NFASC: variants seen among roughly 807,000 people sequenced by gnomAD.
NFASC encodes the protein neurofascin.
In NFASC, 43 loss-of-function variants were observed where a neutral mutation model predicts 147.5. The ratio of observed to expected loss-of-function variants is 0.29; its 90% CI spans 0.23 to 0.38. The LOEUF is 0.38. NFASC is among the 10% of genes least tolerant of loss of function. The probability of loss-of-function intolerance (pLI) is 1.00; values close to 1 mark genes in which losing one functional copy is unlikely to be tolerated. For missense variants in NFASC, 1,320 were observed against 1,689.0 expected, an observed-to-expected ratio of 0.78 and a Z score of 3.83; for synonymous variants, 622 against 665.5, an observed-to-expected ratio of 0.93 and a Z score of 1.01.
At chr1:204,868,677 AG>A (rs1372250936) in intron 1 of NFASC, among the ~76,000 whole-genome samples, 1 of 152,202 alleles carries the variant, frequency 6.6e-6, no homozygotes, top group Admixed American at 6.5e-5. Flanking sequence ...GAAAAGCCGC[AG>A]GAACTGCAAA....
Position 204,849,394 on chromosome 1 carries a change from G to A in NFASC, c.-200+20612G>A, listed in dbSNP as rs372174213. On this transcript the variant is annotated intron_variant, in intron 1 of 29. Coordinates refer to ENST00000339876, the MANE Select transcript of NFASC (RefSeq NM_001005388.3). ...GACGTTAAAAACAGTCTCTTCTGTG[G>A]TTCTCATGCTTTAGCCTGCATCTGA... Among the ~76,000 whole-genome samples, 3 of 152,282 alleles carry A rather than the reference G, an allele frequency of 2.0e-5. No homozygotes were observed. In the East Asian group the frequency reaches 5.8e-4, roughly 29 times the overall value.
At chr1:204,859,316 G>C (rs988195154) in intron 1 of NFASC, among the ~76,000 whole-genome samples, 1 of 152,200 alleles carries the variant, frequency 6.6e-6, no homozygotes, top group Non-Finnish European at 1.5e-5. Context: ...AGGCAGCCGG[G>C]CAGGGTCTTC....
intron 8 of NFASC, among the ~76,000 whole-genome samples, chr1:204,963,448 G>T (rs528931958): frequency 3.9e-5 from 6 of 152,320 alleles, no homozygotes; most frequent in African/African-American, 1.4e-4. Context: ...GAGACCATCT[G>T]GTCTAAGTTC....
chr1:204,977,713 G>T lies in NFASC; in HGVS notation c.1864G>T (p.Ala622Ser). 3.1e-6 allele frequency: 5 copies of T among 1,609,834 alleles called. No homozygotes were observed. The highest frequency in any genetic ancestry group is 4.2e-6 in the Non-Finnish European group (5 of 1,176,670). The stretch of plus-strand genomic sequence containing the variant: ...GGCCACTCCAACTAACCGTTTGGCT[G>T]CCCTGCCCAAAGGTAATTCCCACTA... ...DQATPTNRLAALPKGRPDRPR... is the reference protein window; with the variant it reads ...DQATPTNRLASLPKGRPDRPR... The change falls in exon 17 of 30, where the codon GCC becomes TCC. Residue 622 changes from alanine (A) to serine (S), a missense_variant. Coordinates refer to ENST00000339876, the MANE Select transcript of NFASC (RefSeq NM_001005388.3).
At chr1:204,872,232 A>T (rs1432530523) in intron 1 of NFASC, among the ~76,000 whole-genome samples, 1 of 152,166 alleles carries the variant, frequency 6.6e-6, no homozygotes. Context: ...AACCCTATGC[A>T]CAAAGCAAAC....
At chr1:205,007,236 T>TAA (rs556899822) in intron 27 of NFASC, among the ~76,000 whole-genome samples, 3 of 150,990 alleles carry the variant, frequency 2.0e-5, no homozygotes, top group South Asian at 2.1e-4. Flanking sequence ...TTACTAAAAT[T>TAA]AAAAAAACAA....
At chr1:204,886,727 T>A (rs1189487324) in intron 1 of NFASC, among the ~76,000 whole-genome samples, 1 of 152,214 alleles carries the variant, frequency 6.6e-6, no homozygotes. Context: ...CGCAACTCCC[T>A]TGCCTAGTGT....
At chr1:204,920,427 C>CTTTTTTTTTTTTT (rs11381518) in intron 1 of NFASC, among the ~76,000 whole-genome samples, 4 of 119,600 alleles carry the variant, frequency 3.3e-5, no homozygotes, top group African/African-American at 6.3e-5. Context: ...AGGATCTGTC[C>CTTTTTTTTTTTTT]TTTTTTTTTT....
At chr1:204,845,012 T>C (rs1676533326) in intron 1 of NFASC, among the ~76,000 whole-genome samples, 1 of 152,156 alleles carries the variant, frequency 6.6e-6, no homozygotes, top group Non-Finnish European at 1.5e-5. Flanking sequence ...GGCCCACTGT[T>C]TTACTGGGGC....
chr1:204,958,711 G>T (rs1362384978), intron 8 of NFASC, among the ~76,000 whole-genome samples: 1 of 152,200 alleles, frequency 6.6e-6, no homozygotes, highest in African/African-American at 2.4e-5. Context: ...TGTTTCTGAT[G>T]CTCTGGACAG....
chr1:204,961,547 T>C (rs1573786232), intron 8 of NFASC, among the ~76,000 whole-genome samples: 1 of 152,278 alleles, frequency 6.6e-6, no homozygotes, highest in Non-Finnish European at 1.5e-5. Context: ...TGACACATGT[T>C]GCTGGGTGTG....
rs2096363788 is a variant in NFASC, at chr1:205,016,527, C to T, written c.3711C>T (p.Tyr1237=). 1 of 1,613,172 alleles carries T rather than the reference C, an allele frequency of 6.2e-7. No homozygotes were observed. Among genetic ancestry groups the T allele is most frequent in the South Asian group, 1.1e-5 (1 of 91,052 alleles). ...SEATSPVNAI[Y]SLA Reference sequence around the variant, plus strand: ...CCACGTCACCTGTCAATGCTATCTACTCTCTGGCCTAACGGAGCCCACCCA... The same window carrying T: ...CCACGTCACCTGTCAATGCTATCTATTCTCTGGCCTAACGGAGCCCACCCA... Residue 1237 remains tyrosine, a synonymous_variant, in exon 30 of 30, where the codon TAC becomes TAT. Coordinates refer to ENST00000339876, the MANE Select transcript of NFASC (RefSeq NM_001005388.3). The surrounding 1 kb of genome is among the most constrained non-coding windows in gnomAD (Gnocchi z 5.1).
intron 15 of NFASC, among the ~76,000 whole-genome samples, chr1:204,976,049 C>T (rs1340431777): frequency 2.0e-5 from 3 of 152,166 alleles, no homozygotes; most frequent in Admixed American, 6.5e-5. Context: ...CCTTCTTCCA[C>T]CCCGAGGGAG....
intron 8 of NFASC, among the ~76,000 whole-genome samples, chr1:204,959,086 A>C (rs1417325598): frequency 1.1e-4 from 15 of 137,256 alleles, no homozygotes; most frequent in South Asian, 2.3e-4. Context: ...TCACCTTTTC[A>C]TTTTCTTCCT....
intron 8 of NFASC, among the ~76,000 whole-genome samples, chr1:204,959,903 TC>T (rs1352239216): frequency 1.3e-5 from 2 of 152,246 alleles, no homozygotes; most frequent in Non-Finnish European, 2.9e-5. Context: ...GGTCCTCTAT[TC>T]CACTGAAAAC....
At chr1:204,844,924 C>T (rs150369518) in intron 1 of NFASC, among the ~76,000 whole-genome samples, 1,880 of 152,182 alleles carry the variant, frequency 0.012, 32 homozygotes, top group African/African-American at 0.042. Flanking sequence ...CTTTCTGTAG[C>T]TGCAGGCATA....
intron 8 of NFASC, chr1:204,962,257 G>C: frequency 9.5e-7 from 1 of 1,055,288 alleles, no homozygotes; most frequent in South Asian, 1.4e-5. Flanking sequence ...CTGGGTGGCA[G>C]CTGGCCCAGC....
At position 204,906,687 on chromosome 1, in the gene NFASC, A is replaced by ATT. The variant is rs34856511; in HGVS notation, c.-199-13933_-199-13932dup. 3.9e-3 allele frequency among the ~76,000 whole-genome samples: 564 copies of ATT among 145,770 alleles called. 5 individuals are homozygous for ATT. The highest frequency in any genetic ancestry group is 0.014 in the African/African-American group (545 of 39,538). On this transcript the variant is annotated intron_variant, in intron 1 of 29. Coordinates refer to ENST00000339876, the MANE Select transcript of NFASC (RefSeq NM_001005388.3). The stretch of plus-strand genomic sequence containing the variant: ...CAGTTTTTTGTGTGGACATATATGC[A>ATT]TTTTTTTTTTTTTGAGATGGAGTCT...
chr1:204,930,207 G>A (rs1453769759), intron 2 of NFASC, among the ~76,000 whole-genome samples: 1 of 152,164 alleles, frequency 6.6e-6, no homozygotes. Flanking sequence ...GGAGCAAATA[G>A]GGTGACATTG....
Sources: allele counts gnomAD v4.1 joint callset (sites outside exome capture counted in the v4.1 genomes callset), GRCh38; gene constraint gnomAD v4.1.1; non-coding constraint Gnocchi (gnomAD v3.1); transcripts MANE v1.5; gene names NCBI Gene and HGNC (gene_info 2026-07-23, HGNC 2026-07-21).